HADHB: variants seen among roughly 807,000 people sequenced by gnomAD.
HADHB encodes trifunctional enzyme subunit beta, mitochondrial.
A neutral mutation model predicts 61.9 loss-of-function variants in HADHB; 50 were observed. That is an observed-to-expected ratio of 0.81 (90% CI 0.64 to 1.02). HADHB has a LOEUF of 1.02. Among genes scored for constraint, HADHB ranks in the 50% least tolerant of loss-of-function variants. The probability of loss-of-function intolerance (pLI) is 0.00; values close to 1 mark genes in which losing one functional copy is unlikely to be tolerated. For synonymous variants in HADHB, 191 were observed against 201.6 expected (o/e 0.95, Z 0.45); for missense variants, 504 against 586.5 (o/e 0.86, Z 1.45).
At position 26,284,139 on chromosome 2, in the gene HADHB, G is replaced by A; in HGVS notation, c.1084G>A (p.Val362Ile). Residue 362 changes from valine (V) to isoleucine (I), a missense_variant, in exon 13 of 16, where the codon GTT becomes ATT. Val to Ile is a conservative substitution (Grantham distance 29). Transcript: ENST00000317799. ...CAGACCAACATATGCTACTCCAAAAGTTCTAGAAAAGGCAGGATTGACCAT... is the reference window on the plus strand; with the variant it reads ...CAGACCAACATATGCTACTCCAAAAATTCTAGAAAAGGCAGGATTGACCAT... Reference protein sequence around the residue: ...LLGPTYATPKVLEKAGLTMND... With the variant: ...LLGPTYATPKILEKAGLTMND... 1 of 1,595,222 alleles carries A rather than the reference G, an allele frequency of 6.3e-7. No individual in the cohort carries two copies. Among genetic ancestry groups the A allele is most frequent in the African/African-American group, 1.3e-5 (1 of 74,586 alleles).
chr2:26,284,533 G>A (rs978538182), intron 13 of HADHB, among the ~76,000 whole-genome samples: 9 of 151,554 alleles, frequency 5.9e-5, no homozygotes, highest in Admixed American at 4.6e-4. Flanking sequence ...CACGATCTCG[G>A]CTCACTGCAA....
intron 7 of HADHB, among the ~76,000 whole-genome samples, 194 bp downstream of exon 7, chr2:26,277,354 T>A (rs1046511709): frequency 1.3e-5 from 2 of 151,334 alleles, no homozygotes; most frequent in Non-Finnish European, 2.9e-5. Context: ...CATCCTGCCT[T>A]AGGATCCCAA....
chr2:26,253,037 C>A (rs1377610414), intron 1 of HADHB, among the ~76,000 whole-genome samples: 2 of 152,162 alleles, frequency 1.3e-5, no homozygotes, highest in Non-Finnish European at 2.9e-5. Flanking sequence ...AATTTGAATT[C>A]TTCTTATGAG....
chr2:26,263,298 TA>T lies in HADHB; in HGVS notation c.110-65del, dbSNP rs75496350. The T allele has an allele frequency of 0.21, 136,424 of 653,034 alleles. 56 individuals are homozygous for T. Among genetic ancestry groups the T allele is most frequent in the South Asian group, 0.27 (14,048 of 51,950 alleles). 40.5% of individuals were successfully genotyped at this position (653,034 alleles called of 1,614,324 possible). A position where few individuals can be genotyped will look rare whatever the true frequency, so the allele number is the denominator to read the frequency against. ...TGGGTGACAGAGCGAGACTCCATCT[TA>T]AAAAAAAAAAAAAAAAGTAAAAGTC... is the stretch of plus-strand genomic sequence containing the variant. On this transcript the variant is annotated intron_variant, in intron 3 of 15. Coordinates refer to ENST00000317799, the MANE Select transcript of HADHB (RefSeq NM_000183.3).
chr2:26,285,596 C>T lies in HADHB; in HGVS notation c.1389+25C>T, dbSNP rs778430493. ...GGTACGTTACAGTGGTGTCATAGGA[C>T]CCTCCAGAGAGTCATTTTCTTGGAA... On this transcript the variant is annotated intron_variant, in intron 15 of 15. Transcript: ENST00000317799. 3.6e-5 allele frequency: 58 copies of T among 1,592,074 alleles called. 1 individual carries two copies. In the Middle Eastern group the frequency reaches 6.7e-3, roughly 183 times the overall value.
At chr2:26,255,603 C>A (rs559071293) in intron 3 of HADHB, among the ~76,000 whole-genome samples, 27 of 152,084 alleles carry the variant, frequency 1.8e-4, no homozygotes, top group African/African-American at 6.5e-4. Flanking sequence ...GGCAGTGTGG[C>A]CTTGAACTGG....
At position 26,266,269 on chromosome 2, in the gene HADHB, C is replaced by A. The variant is rs1412921928; in HGVS notation, c.209+2790C>A. Among the ~76,000 whole-genome samples, 3 of 151,594 alleles carry A rather than the reference C, an allele frequency of 2.0e-5. No homozygotes were observed. The East Asian group carries it at 5.8e-4, about 29-fold the overall frequency. On this transcript the variant is annotated intron_variant, in intron 4 of 15. Coordinates refer to ENST00000317799, the MANE Select transcript of HADHB (RefSeq NM_000183.3). ...TTCAACCTGGGTGACAGAGCCAGAC[C>A]TTGTCTCTTAAAAAAAAATTAATAA...
chr2:26,283,962 A>AT (rs1672908657), intron 12 of HADHB, among the ~76,000 whole-genome samples, 155 bp from the exon 13 acceptor site: 1 of 152,228 alleles, frequency 6.6e-6, no homozygotes, highest in Admixed American at 6.5e-5. Flanking sequence ...CAGTTTCACT[A>AT]TTTTATCTTT....
intron 6 of HADHB, among the ~76,000 whole-genome samples, chr2:26,274,612 A>G (rs1294398464): frequency 6.6e-6 from 1 of 152,242 alleles, no homozygotes; most frequent in Non-Finnish European, 1.5e-5. Flanking sequence ...AGGGGCAGGA[A>G]GGAATTAACA....
chr2:26,278,990 T>G, intron 8 of HADHB, 145 bp from the exon 9 acceptor site: 10 of 896,584 alleles, frequency 1.1e-5, no homozygotes, highest in Non-Finnish European at 1.9e-6. Context: ...GAGATCCTCT[T>G]TAGAGATCCT....
intron 15 of HADHB, among the ~76,000 whole-genome samples, chr2:26,288,977 C>T (rs1673154457): frequency 6.6e-6 from 1 of 152,052 alleles, no homozygotes; most frequent in African/African-American, 2.4e-5. Flanking sequence ...TCTGGCCGGG[C>T]ACAGTGGCTC....
chr2:26,275,436 A>G (rs897668868), intron 6 of HADHB, among the ~76,000 whole-genome samples: 92 of 152,168 alleles, frequency 6.0e-4, no homozygotes, highest in African/African-American at 2.1e-3. Context: ...GAGCTATTCA[A>G]ATTTCAATAG....
chr2:26,254,593 C>T, intron 3 of HADHB, 119 bp downstream of exon 3: 1 of 720,552 alleles, frequency 1.4e-6, no homozygotes. Flanking sequence ...TTTATGAGCA[C>T]ATGAACATCT....
chr2:26,257,057 A>C (rs1671641749), intron 3 of HADHB, among the ~76,000 whole-genome samples: 1 of 150,438 alleles, frequency 6.6e-6, no homozygotes, highest in Admixed American at 6.6e-5. Context: ...TAATGGGTTC[A>C]TGTACCTGAT....
chr2:26,284,968 A>G lies in HADHB; in HGVS notation c.1224+11A>G. 1.5e-6 allele frequency: 2 copies of G among 1,332,112 alleles called. No individual in the cohort carries two copies. The highest frequency in any genetic ancestry group is 1.4e-5 in the African/African-American group (1 of 69,732). The allele number at this position is 1,332,112 out of a possible 1,614,324, so 82.5% of individuals were successfully genotyped here. A position where few individuals can be genotyped will look rare whatever the true frequency, so the allele number is the denominator to read the frequency against. On this transcript the variant is annotated intron_variant, in intron 14 of 15. Coordinates refer to ENST00000317799, the MANE Select transcript of HADHB (RefSeq NM_000183.3). Reference sequence around the variant, plus strand: ...GGTAGAAAAACCAAGGTGAGTTTCTAATTTTAAAAAATGCGTGAATTTTCA... The same window carrying G: ...GGTAGAAAAACCAAGGTGAGTTTCTGATTTTAAAAAATGCGTGAATTTTCA...
chr2:26,257,264 G>A (rs1408910037), intron 3 of HADHB, among the ~76,000 whole-genome samples: 1 of 151,910 alleles, frequency 6.6e-6, no homozygotes, highest in Admixed American at 6.6e-5. Flanking sequence ...GGGACTACAG[G>A]TGCCCGCCAA....
intron 1 of HADHB, among the ~76,000 whole-genome samples, chr2:26,245,743 A>G (rs569064441): frequency 1.3e-5 from 2 of 152,158 alleles, no homozygotes; most frequent in East Asian, 1.9e-4. Flanking sequence ...GGAGTCCTGG[A>G]ATAAAGTGAT....
Position 26,278,719 on chromosome 2 carries a change from T to TG in HADHB, c.549dup (p.Leu184AlafsTer2). On this transcript the variant is annotated frameshift_variant, in exon 8 of 16. Transcript: ENST00000317799. LOFTEE classifies it high-confidence loss of function. ...CACTCAAGGAAAATGAGAAAACTGA[T>TG]GCTTGATCTCAATAAGGCCAAATCT... 2 of 1,614,098 alleles carry TG rather than the reference T, an allele frequency of 1.2e-6. No homozygotes were observed. Among genetic ancestry groups the TG allele is most frequent in the Non-Finnish European group, 1.7e-6 (2 of 1,179,946 alleles).
intron 3 of HADHB, among the ~76,000 whole-genome samples, chr2:26,255,498 CAAA>C (rs61458894): frequency 1.0e-4 from 8 of 76,358 alleles, no homozygotes; most frequent in Admixed American, 1.1e-4. Flanking sequence ...GACTCCGGCT[CAAA>C]AAAAAAAAAA....
Sources: gnomAD v4.1 joint callset for allele counts (sites outside exome capture counted in the v4.1 genomes callset) on GRCh38, gnomAD v4.1.1 for gene constraint, MANE v1.5 for transcripts, NCBI Gene and HGNC (gene_info 2026-07-23, HGNC 2026-07-21) for gene names.